CSMD1: variants seen among roughly 807,000 people sequenced by gnomAD.
CSMD1 encodes CUB and Sushi multiple domains 1, also known as CUB and sushi domain-containing protein 1.
Under a neutral mutation model 417.5 loss-of-function variants are expected in CSMD1, and 213 were observed. That is an observed-to-expected ratio of 0.51 (90% CI 0.46 to 0.57). The LOEUF is 0.57. Among genes scored for constraint, CSMD1 ranks in the 20% least tolerant of loss-of-function variants. The pLI, the probability that CSMD1 is intolerant of heterozygous loss-of-function variation, is 0.00. For missense variants in CSMD1, 6,923 were observed against 4,529.7 expected (o/e 1.53, Z -15.17); for synonymous variants, 2,862 against 1,736.8 (o/e 1.65, Z -16.11).
chr8:4,362,125 T>C (rs1225923634), intron 3 of CSMD1, among the ~76,000 whole-genome samples: 1 of 152,192 alleles, frequency 6.6e-6, no homozygotes, highest in African/African-American at 2.4e-5. Flanking sequence ...CCAAGTACTT[T>C]ATAAAAATAG....
chr8:4,543,893 G>A (rs559774358), intron 2 of CSMD1, among the ~76,000 whole-genome samples: 1 of 152,266 alleles, frequency 6.6e-6, no homozygotes, highest in South Asian at 2.1e-4. Flanking sequence ...AAGATGTGGA[G>A]CGCCTTTTCA....
At chr8:3,196,217 G>C (rs1796695057) in intron 33 of CSMD1, among the ~76,000 whole-genome samples, 1 of 152,074 alleles carries the variant, frequency 6.6e-6, no homozygotes, top group African/African-American at 2.4e-5. Context: ...CAAATGCCAT[G>C]GCAATGCCAG....
At chr8:3,453,610 A>C (rs536583418) in intron 12 of CSMD1, among the ~76,000 whole-genome samples, 1 of 152,190 alleles carries the variant, frequency 6.6e-6, no homozygotes, top group Non-Finnish European at 1.5e-5. Flanking sequence ...GTTTCCATGT[A>C]ACTGAGTAGT....
chr8:3,848,117 T>C (rs1585085800), intron 5 of CSMD1, among the ~76,000 whole-genome samples: 1 of 152,152 alleles, frequency 6.6e-6, no homozygotes, highest in Non-Finnish European at 1.5e-5. Flanking sequence ...TTAGTGCTCA[T>C]ATTGAATTTA....
intron 1 of CSMD1, among the ~76,000 whole-genome samples, chr8:4,729,867 A>G (rs1185930554): frequency 6.6e-6 from 1 of 152,220 alleles, no homozygotes; most frequent in Non-Finnish European, 1.5e-5. Flanking sequence ...TTTCTTTTGA[A>G]TTCCTAAGGT....
intron 17 of CSMD1, among the ~76,000 whole-genome samples, chr8:3,395,053 T>C (rs1340734808): frequency 6.6e-6 from 1 of 152,132 alleles, no homozygotes; most frequent in East Asian, 1.9e-4. Context: ...GGAGTGGGGC[T>C]CAGGGAGAGG....
intron 1 of CSMD1, among the ~76,000 whole-genome samples, chr8:4,831,933 T>C (rs1800178148): frequency 6.6e-6 from 1 of 152,010 alleles, no homozygotes; most frequent in African/African-American, 2.4e-5. Flanking sequence ...AGCTGGGACC[T>C]TCGAGATTTA....
At chr8:4,562,722 A>G (rs1359797337) in intron 2 of CSMD1, among the ~76,000 whole-genome samples, 2 of 152,090 alleles carry the variant, frequency 1.3e-5, no homozygotes, top group Non-Finnish European at 2.9e-5. Context: ...GAAATCCTAC[A>G]CTGACCTTCA....
At chr8:3,571,215 A>G (rs1053508991) in intron 10 of CSMD1, among the ~76,000 whole-genome samples, 1 of 152,192 alleles carries the variant, frequency 6.6e-6, no homozygotes, top group African/African-American at 2.4e-5. Context: ...TGCTTTCTGC[A>G]TGCTGTCATC....
chr8:4,968,605 G>A (rs1359413249), intron 1 of CSMD1, among the ~76,000 whole-genome samples: 1 of 152,006 alleles, frequency 6.6e-6, no homozygotes, highest in South Asian at 2.1e-4. Flanking sequence ...AATCAGACCA[G>A]TTTCTCTCCC....
intron 6 of CSMD1, among the ~76,000 whole-genome samples, chr8:3,742,057 C>T (rs1462817724): frequency 6.6e-6 from 1 of 151,046 alleles, no homozygotes; most frequent in East Asian, 2.0e-4. Context: ...CACACTCATT[C>T]AGCACATTCT....
chr8:4,290,977 C>T (rs563488494), intron 3 of CSMD1, among the ~76,000 whole-genome samples: 2 of 152,234 alleles, frequency 1.3e-5, no homozygotes, highest in African/African-American at 4.8e-5. Context: ...AATTTCATCT[C>T]CCTAAATTGT....
At chr8:3,839,454 A>ATT (rs1802961142) in intron 5 of CSMD1, among the ~76,000 whole-genome samples, 1 of 125,024 alleles carries the variant, frequency 8.0e-6, no homozygotes, top group Non-Finnish European at 1.6e-5. Flanking sequence ...ATTATAATAT[A>ATT]ATATATTATA....
intron 9 of CSMD1, among the ~76,000 whole-genome samples, chr8:3,578,679 G>T (rs1262885891): frequency 6.6e-6 from 1 of 152,056 alleles, no homozygotes; most frequent in Non-Finnish European, 1.5e-5. Context: ...TTCACTTCAT[G>T]CAAAGAACCG....
intron 5 of CSMD1, among the ~76,000 whole-genome samples, chr8:3,845,091 A>G (rs756013752): frequency 6.6e-6 from 1 of 152,374 alleles, no homozygotes; most frequent in East Asian, 1.9e-4. Context: ...ATGCATACAT[A>G]TATTTAGAAG....
chr8:3,600,485 G>A (rs1004438791), intron 8 of CSMD1, among the ~76,000 whole-genome samples: 2 of 152,304 alleles, frequency 1.3e-5, no homozygotes, highest in East Asian at 1.9e-4. Flanking sequence ...AGGGTTGATT[G>A]GAAAAGGGAC....
At chr8:4,752,430 T>C (rs899025682) in intron 1 of CSMD1, among the ~76,000 whole-genome samples, 1 of 152,198 alleles carries the variant, frequency 6.6e-6, no homozygotes, top group Non-Finnish European at 1.5e-5. Context: ...TTGTGACTGA[T>C]TGTTTCATAA....
intron 5 of CSMD1, among the ~76,000 whole-genome samples, chr8:3,918,476 G>A (rs759944407): frequency 1.6e-4 from 24 of 152,022 alleles, no homozygotes; most frequent in Non-Finnish European, 3.1e-4. Flanking sequence ...ATACCTGTTG[G>A]ACGTTTGTAT....
intron 3 of CSMD1, among the ~76,000 whole-genome samples, chr8:4,185,786 T>A (rs1584981184): frequency 6.6e-6 from 1 of 152,306 alleles, no homozygotes; most frequent in Non-Finnish European, 1.5e-5. Context: ...TGGAAATGTG[T>A]AAGATGAGTG....
Sources: gnomAD v4.1 joint callset for allele counts (sites outside exome capture counted in the v4.1 genomes callset) on GRCh38, gnomAD v4.1.1 for gene constraint, MANE v1.5 for transcripts, NCBI Gene and HGNC (gene_info 2026-07-23, HGNC 2026-07-21) for gene names.